Variants in NTN1 observed in about 807,000 individuals in gnomAD.
NTN1 encodes netrin 1.
Under a neutral mutation model 54.2 loss-of-function variants are expected in NTN1, and 11 were observed. The observed-to-expected ratio is 0.20, with a 90% CI of 0.13 to 0.34. The LOEUF is 0.34. Among genes scored for constraint, NTN1 ranks in the 10% least tolerant of loss-of-function variants. The pLI is 1.00. For missense variants in NTN1, 740 were observed against 893.1 expected, an observed-to-expected ratio of 0.83 and a Z score of 2.18; for synonymous variants, 371 against 382.0, an observed-to-expected ratio of 0.97 and a Z score of 0.33.
At chr17:9,168,184 T>G (rs186488586) in intron 3 of NTN1, among the ~76,000 whole-genome samples, 41 of 152,320 alleles carry the variant, frequency 2.7e-4, no homozygotes, top group Non-Finnish European at 5.4e-4. Context: ...AATTTAAATG[T>G]TTTTTATGAT....
At chr17:9,192,736 C>G (rs1020858224) in intron 5 of NTN1, among the ~76,000 whole-genome samples, 1 of 152,164 alleles carries the variant, frequency 6.6e-6, no homozygotes, top group Non-Finnish European at 1.5e-5. Context: ...AAACCCGGCT[C>G]TTTTATTAGT....
intron 3 of NTN1, among the ~76,000 whole-genome samples, chr17:9,178,642 A>T (rs1386739738): frequency 1.3e-5 from 2 of 152,036 alleles, no homozygotes; most frequent in Non-Finnish European, 1.5e-5. Context: ...GTCCTTTTGG[A>T]GGAGGAACAG....
chr17:9,061,688 G>T (rs186018480), intron 2 of NTN1, among the ~76,000 whole-genome samples: 1 of 151,848 alleles, frequency 6.6e-6, no homozygotes, highest in East Asian at 1.9e-4. Flanking sequence ...TGTTGTTGTT[G>T]TTTTTGTTTT....
chr17:9,189,394 C>T (rs1904390336), intron 5 of NTN1, among the ~76,000 whole-genome samples: 1 of 152,216 alleles, frequency 6.6e-6, no homozygotes, highest in Non-Finnish European at 1.5e-5. Context: ...CTCTTTCGCC[C>T]AGGCTGTAGT....
chr17:9,233,437 G>C (rs999355110), intron 6 of NTN1, among the ~76,000 whole-genome samples: 33 of 152,008 alleles, frequency 2.2e-4, no homozygotes, highest in Non-Finnish European at 1.3e-4. Context: ...CCCAGCAGGA[G>C]GTCCACCAAA....
chr17:9,177,718 C>G (rs778331484), intron 3 of NTN1: 1 of 152,276 alleles, frequency 6.6e-6, no homozygotes, highest in African/African-American at 2.4e-5. Context: ...CTACCATGGA[C>G]GAATTTAAGA....
At chr17:9,149,495 T>C (rs748557176) in intron 2 of NTN1, among the ~76,000 whole-genome samples, 11 of 152,160 alleles carry the variant, frequency 7.2e-5, no homozygotes, top group Non-Finnish European at 1.5e-4. Flanking sequence ...ACCATGCTGC[T>C]GGGGGTCTGG....
At position 9,023,309 on chromosome 17, in the gene NTN1, C is replaced by T. The variant is rs1434425565; in HGVS notation, c.936C>T (p.Gly312=). 30 of 1,542,166 alleles carry T rather than the reference C, an allele frequency of 1.9e-5. No individual in the cohort carries two copies. The highest frequency in any genetic ancestry group is 2.6e-5 in the Non-Finnish European group (30 of 1,146,472). ...GCGACTGCAGGCACAACACGGCCGG[C>T]CCGGAGTGCGACCGCTGCAAGCCCT... ...LVCDCRHNTA[G]PECDRCKPFH... Residue 312 remains glycine, a synonymous_variant, in exon 2 of 7, where the codon GGC becomes GGT. Coordinates refer to ENST00000173229, the MANE Select transcript of NTN1 (RefSeq NM_004822.3).
At chr17:9,021,984 T>A (rs1301456176) in intron 1 of NTN1, among the ~76,000 whole-genome samples, 1 of 151,950 alleles carries the variant, frequency 6.6e-6, no homozygotes, top group Non-Finnish European at 1.5e-5. Flanking sequence ...GTCCCCCAGC[T>A]CTCCTGCGCC....
At chr17:9,174,163 G>C (rs541080232) in intron 3 of NTN1, 1 of 152,314 alleles carries the variant, frequency 6.6e-6, no homozygotes, top group Non-Finnish European at 1.5e-5. Context: ...GCCAGCAGGG[G>C]CTCTAAAGAT....
At chr17:9,012,348 TA>T in the NTN1 span, among the ~76,000 whole-genome samples, 2 of 152,058 alleles carry the variant, frequency 1.3e-5, no homozygotes, top group South Asian at 4.2e-4. Flanking sequence ...CCATCTCTAC[TA>T]AAAGTACAAA....
At chr17:9,104,261 A>T (rs2092159110) in intron 2 of NTN1, among the ~76,000 whole-genome samples, 1 of 152,104 alleles carries the variant, frequency 6.6e-6, no homozygotes, top group African/African-American at 2.4e-5. Context: ...TGGGAAGATG[A>T]AAAAGTTCTG....
chr17:9,237,499 A>G (rs1906030578), intron 6 of NTN1, among the ~76,000 whole-genome samples: 1 of 152,214 alleles, frequency 6.6e-6, no homozygotes, highest in Admixed American at 6.5e-5. Context: ...TTGGGACACC[A>G]TTCAGCACAC....
At chr17:9,085,198 G>A (rs2092086305) in intron 2 of NTN1, among the ~76,000 whole-genome samples, 1 of 152,190 alleles carries the variant, frequency 6.6e-6, no homozygotes, top group Non-Finnish European at 1.5e-5. Context: ...GGGGTAAGTA[G>A]GCAGTGCTGT....
chr17:9,154,130 C>T (rs924492005), intron 2 of NTN1, among the ~76,000 whole-genome samples: 2 of 152,218 alleles, frequency 1.3e-5, no homozygotes, highest in African/African-American at 4.8e-5. Context: ...CTGATGTCTC[C>T]AGTGACGAGC....
chr17:9,096,366 C>CCTTTTTTTTTTTTTTTTTT lies in NTN1; in HGVS notation c.1019-66447_1019-66446insCTTTTTTTTTTTTTTTTTT, dbSNP rs55880198. ...TGTCTTCCTGGGTTTTATGGGTAGA[C>CCTTTTTTTTTTTTTTTTTT]TTTTTTTTTTTTTTTTTTTTTTGAG... On this transcript the variant is annotated intron_variant, in intron 2 of 6. Transcript: ENST00000173229. Among the ~76,000 whole-genome samples, 4 of 91,510 alleles carry CCTTTTTTTTTTTTTTTTTT rather than the reference C, an allele frequency of 4.4e-5. 2 individuals carry two copies. Among genetic ancestry groups the CCTTTTTTTTTTTTTTTTTT allele is most frequent in the Non-Finnish European group, 4.1e-5 (2 of 49,116 alleles). The allele number at this position is 91,510 out of a possible 152,430, so 60.0% of individuals were successfully genotyped here. A position where few individuals can be genotyped will look rare whatever the true frequency, so the allele number is the denominator to read the frequency against.
intron 2 of NTN1, among the ~76,000 whole-genome samples, chr17:9,089,517 T>A (rs1334814640): frequency 6.6e-6 from 1 of 152,248 alleles, no homozygotes; most frequent in African/African-American, 2.4e-5. Context: ...TGACAATTTC[T>A]TGTTGATAAC....
intron 2 of NTN1, among the ~76,000 whole-genome samples, chr17:9,074,178 G>A (rs1329143555): frequency 6.6e-6 from 1 of 152,232 alleles, no homozygotes; most frequent in Non-Finnish European, 1.5e-5. Flanking sequence ...TCGCGAACCA[G>A]TGCGGGAGGG....
At chr17:9,087,722 C>T (rs1357956825) in intron 2 of NTN1, among the ~76,000 whole-genome samples, 4 of 152,226 alleles carry the variant, frequency 2.6e-5, no homozygotes, top group East Asian at 1.9e-4. Context: ...TCTCTTTTCT[C>T]GAGACAGCTG....
Sources: gnomAD v4.1 joint callset for allele counts (sites outside exome capture counted in the v4.1 genomes callset) on GRCh38, gnomAD v4.1.1 for gene constraint, MANE v1.5 for transcripts, NCBI Gene and HGNC (gene_info 2026-07-23, HGNC 2026-07-21) for gene names.